Variants in SNW1 observed in about 807,000 individuals in gnomAD.
SNW1 encodes the protein SNW domain-containing protein 1.
A neutral mutation model predicts 75.6 loss-of-function variants in SNW1; 9 were observed. That is an observed-to-expected ratio of 0.12 (90% CI 0.07 to 0.21). The LOEUF (loss-of-function observed/expected upper bound fraction) is 0.21. Among genes scored for constraint, SNW1 ranks in the 10% least tolerant of loss-of-function variants. SNW1 has a pLI of 1.00. For synonymous variants in SNW1, 200 were observed against 219.1 expected, an observed-to-expected ratio of 0.91 and a Z score of 0.77; for missense variants, 409 against 670.9, an observed-to-expected ratio of 0.61 and a Z score of 4.31.
intron 8 of SNW1, chr14:77,734,085 T>G (rs1462057266): frequency 1.4e-5 from 3 of 211,690 alleles, no homozygotes; most frequent in Admixed American, 5.4e-5. Flanking sequence ...TGAAATGGTC[T>G]TCTTTATCCA....
chr14:77,758,478 C>T (rs1262147373), intron 1 of SNW1, among the ~76,000 whole-genome samples: 4 of 152,214 alleles, frequency 2.6e-5, no homozygotes, highest in African/African-American at 9.6e-5. Flanking sequence ...GCTTGCATCT[C>T]AGCACTCTTG....
In SNW1 at chr14:77,718,346, T is replaced by C. The variant is rs1045246111; in HGVS notation, c.1412+21A>G. ...GCTTTCACCAGTGTAAACACTGAAA[T>C]TGAGTTGTATGGCTTGGCACCTGTT... On this transcript the variant is annotated intron_variant, in intron 13 of 13. Transcript: ENST00000261531. 5.0e-6 allele frequency: 8 copies of C among 1,614,078 alleles called. No individual in the cohort carries two copies. The East Asian group carries it at 1.8e-4, about 36-fold the overall frequency.
In SNW1 at chr14:77,761,116, G is replaced by A. The variant is rs2080888238; in HGVS notation, c.12C>T (p.Thr4=). Residue 4 remains threonine (T), a splice_region_variant and synonymous_variant, in exon 1 of 14, where the codon ACC becomes ACT. Coordinates refer to ENST00000261531, the MANE Select transcript of SNW1 (RefSeq NM_012245.3). MAL[T]SFLPAPTQLS... Reference sequence around the variant, plus strand: ...GAGGACCCCAATCAACAACCCACCTGGTGAGCGCCATCTTCTTCCGCTTCT... The same window carrying A: ...GAGGACCCCAATCAACAACCCACCTAGTGAGCGCCATCTTCTTCCGCTTCT... The A allele has an allele frequency of 1.2e-6, 2 of 1,614,218 alleles. No homozygotes were observed. Among genetic ancestry groups the A allele is most frequent in the East Asian group, 4.5e-5 (2 of 44,884 alleles).
At chr14:77,722,015 T>C (rs998072278) in intron 11 of SNW1, among the ~76,000 whole-genome samples, 7 of 152,228 alleles carry the variant, frequency 4.6e-5, no homozygotes, top group Non-Finnish European at 1.5e-5. Flanking sequence ...GCCAAAGTGC[T>C]GGGATTACAG....
At chr14:77,723,920 T>G (rs1478236976) in intron 10 of SNW1, among the ~76,000 whole-genome samples, 1 of 152,212 alleles carries the variant, frequency 6.6e-6, no homozygotes, top group Non-Finnish European at 1.5e-5. Flanking sequence ...AACAAGAGAA[T>G]ATTTTTTAAC....
intron 10 of SNW1, among the ~76,000 whole-genome samples, chr14:77,728,519 T>G (rs1374024301): frequency 6.6e-6 from 1 of 152,220 alleles, no homozygotes; most frequent in African/African-American, 2.4e-5. Context: ...GTTTCCCTTA[T>G]ATTTTCAAAG....
chr14:77,717,940 C>A lies in SNW1; in HGVS notation c.*148G>T, dbSNP rs1218606866. On this transcript the variant is annotated 3_prime_UTR_variant, in exon 14 of 14. Coordinates refer to ENST00000261531, the MANE Select transcript of SNW1 (RefSeq NM_012245.3). Reference sequence around the variant, plus strand: ...ATAATTCAAAGTAGAATTTTCTATCCCCCCCATTTCTCCAGTAATAAAAAG... The same window carrying A: ...ATAATTCAAAGTAGAATTTTCTATCACCCCCATTTCTCCAGTAATAAAAAG... The A allele has an allele frequency of 1.5e-6, 1 of 682,920 alleles. No homozygotes were observed. Among genetic ancestry groups the A allele is most frequent in the South Asian group, 2.5e-5 (1 of 39,398 alleles). The allele number at this position is 682,920 out of a possible 1,614,324, so 42.3% of individuals were successfully genotyped here.
intron 3 of SNW1, among the ~76,000 whole-genome samples, chr14:77,745,933 A>T (rs2080757422): frequency 6.6e-6 from 1 of 151,928 alleles, no homozygotes; most frequent in Non-Finnish European, 1.5e-5. Context: ...CTGGGGTGAA[A>T]GGATCACTTG....
chr14:77,717,828 C>G lies in SNW1; in HGVS notation c.*260G>C, dbSNP rs563351181. On this transcript the variant is annotated 3_prime_UTR_variant, in exon 14 of 14. Coordinates refer to ENST00000261531, the MANE Select transcript of SNW1 (RefSeq NM_012245.3). ...CTAGTGTCACATAAAAGTAAGTGGT[C>G]TTGACTTTGTATGTGGGGCAGCATG... 6.0e-5 allele frequency: 34 copies of G among 568,692 alleles called. No individual in the cohort carries two copies. Among genetic ancestry groups the G allele is most frequent in the Middle Eastern group, 4.6e-4 (1 of 2,176 alleles). The allele number at this position is 568,692 out of a possible 1,614,324, so 35.2% of individuals were successfully genotyped here. A position where few individuals can be genotyped will look rare whatever the true frequency, so the allele number is the denominator to read the frequency against.
chr14:77,740,652 G>A (rs141548216), intron 3 of SNW1, among the ~76,000 whole-genome samples: 3 of 152,108 alleles, frequency 2.0e-5, no homozygotes, highest in African/African-American at 7.2e-5. Context: ...CAGATCAAAG[G>A]TCCTCCATTA....
Position 77,755,096 on chromosome 14 carries a change from T to C in SNW1, c.39A>G (p.Leu13=). The change falls in exon 2 of 14, where the codon CTA becomes CTG. Residue 13 remains leucine, a synonymous_variant. Coordinates refer to ENST00000261531, the MANE Select transcript of SNW1 (RefSeq NM_012245.3). ...LTSFLPAPTQ[L]SQDQLEAEEK... ...CTTCAGCCTCAAGCTGGTCCTGAGATAGCTGAGTAGGTGCAGGTAAAAAGC... is the reference window on the plus strand; with the variant it reads ...CTTCAGCCTCAAGCTGGTCCTGAGACAGCTGAGTAGGTGCAGGTAAAAAGC... 1.2e-6 allele frequency: 2 copies of C among 1,612,990 alleles called. No homozygotes were observed. Among genetic ancestry groups the C allele is most frequent in the East Asian group, 2.2e-5 (1 of 44,880 alleles).
chr14:77,738,792 A>T lies in SNW1; in HGVS notation c.519T>A (p.Pro173=), dbSNP rs777060622. The T allele has an allele frequency of 1.2e-6, 2 of 1,613,888 alleles. No homozygotes were observed. The highest frequency in any genetic ancestry group is 1.7e-5 in the Admixed American group (1 of 60,030). Reference sequence around the variant, plus strand: ...ATGATTCATACCGGATATACTGAGCAGGAGCCAATTTGTCAGCTGCTCGAA... The same window carrying T: ...ATGATTCATACCGGATATACTGAGCTGGAGCCAATTTGTCAGCTGCTCGAA... ...MPVRAADKLA[P]AQYIRYTPSQ... The change falls in exon 5 of 14, where the codon CCT becomes CCA. Residue 173 remains proline (P), a synonymous_variant. Transcript: ENST00000261531.
rs765772387 is a variant in SNW1, at chr14:77,738,807, A to C, written c.504T>G (p.Ala168=). ...TATACTGAGCAGGAGCCAATTTGTCAGCTGCTCGAACTGGCATGGCTGCGG... is the reference window on the plus strand; with the variant it reads ...TATACTGAGCAGGAGCCAATTTGTCCGCTGCTCGAACTGGCATGGCTGCGG... ...KVAAAMPVRA[A]DKLAPAQYIR... is the part of the protein sequence containing the mutation. Residue 168 remains alanine, a synonymous_variant, in exon 5 of 14, where the codon GCT becomes GCG. Transcript: ENST00000261531. The C allele has an allele frequency of 3.7e-6, 6 of 1,614,124 alleles. No homozygotes were observed. The highest frequency in any genetic ancestry group is 1.1e-5 in the South Asian group (1 of 91,084).
intron 11 of SNW1, among the ~76,000 whole-genome samples, chr14:77,721,328 AT>A: frequency 6.6e-6 from 1 of 152,292 alleles, no homozygotes; most frequent in South Asian, 2.1e-4. Flanking sequence ...ATTCAGATTA[AT>A]TTGGTTTCCT....
In SNW1 at chr14:77,717,942, C is replaced by T. The variant is rs2080502489; in HGVS notation, c.*146G>A. ...AATTCAAAGTAGAATTTTCTATCCC[C>T]CCCATTTCTCCAGTAATAAAAAGTA... is the stretch of plus-strand genomic sequence containing the variant. On this transcript the variant is annotated 3_prime_UTR_variant, in exon 14 of 14. Transcript: ENST00000261531. 1.4e-6 allele frequency: 1 copy of T among 695,166 alleles called. No homozygotes were observed. The highest frequency in any genetic ancestry group is 2.6e-5 in the East Asian group (1 of 38,508). 43.1% of individuals were successfully genotyped at this position (695,166 alleles called of 1,614,324 possible).
chr14:77,723,054 A>C, intron 11 of SNW1, 127 bp downstream of exon 11: 1 of 731,832 alleles, frequency 1.4e-6, no homozygotes, highest in Non-Finnish European at 2.4e-6. Flanking sequence ...TCATCGTGTT[A>C]GCCAGGATGG....
chr14:77,729,521 T>C (rs1349019917), intron 10 of SNW1, among the ~76,000 whole-genome samples: 6 of 151,594 alleles, frequency 4.0e-5, no homozygotes. Context: ...GCCAGGGAGG[T>C]CTTTTAAAAA....
intron 7 of SNW1, among the ~76,000 whole-genome samples, 172 bp downstream of exon 7, chr14:77,735,765 G>T (rs908691716): frequency 1.3e-5 from 2 of 152,146 alleles, no homozygotes; most frequent in African/African-American, 4.8e-5. Context: ...AAAACTTACA[G>T]CTAACATGTT....
chr14:77,742,131 A>C (rs2080724178), intron 3 of SNW1, among the ~76,000 whole-genome samples: 1 of 152,072 alleles, frequency 6.6e-6, no homozygotes, highest in Non-Finnish European at 1.5e-5. Context: ...TCCCGGGTTA[A>C]AACCATTCTC....
Sources: gnomAD v4.1 joint callset for allele counts (sites outside exome capture counted in the v4.1 genomes callset) on GRCh38, gnomAD v4.1.1 for gene constraint, MANE v1.5 for transcripts, NCBI Gene and HGNC (gene_info 2026-07-23, HGNC 2026-07-21) for gene names.